The following SHISA6 variants were observed in gnomAD, a reference collection of about 807,000 sequenced individuals.
SHISA6 encodes protein shisa-6.
A neutral mutation model predicts 47.9 loss-of-function variants in SHISA6; 22 were observed. The observed-to-expected ratio is 0.46, with a 90% CI of 0.33 to 0.66. The LOEUF (loss-of-function observed/expected upper bound fraction) is 0.66. SHISA6 is among the 30% of genes least tolerant of loss of function. The pLI is 0.02. For synonymous variants in SHISA6, 388 were observed against 337.8 expected (o/e 1.15, Z -1.63); for missense variants, 680 against 764.6 (o/e 0.89, Z 1.30).
At position 11,558,452 on chromosome 17, in the gene SHISA6, A is replaced by G. The variant is rs868142334; in HGVS notation, c.*148A>G. ...GTGGGCCACCTTTGCCCAAAAAGCCATACCCCCGGGGACACAGCCCCGATG... is the reference window on the plus strand; with the variant it reads ...GTGGGCCACCTTTGCCCAAAAAGCCGTACCCCCGGGGACACAGCCCCGATG... On this transcript the variant is annotated 3_prime_UTR_variant, in exon 6 of 6. Coordinates refer to ENST00000441885, the MANE Select transcript of SHISA6 (RefSeq NM_207386.4). 11 of 898,144 alleles carry G rather than the reference A, an allele frequency of 1.2e-5. No homozygotes were observed. The Admixed American group carries it at 1.6e-4, about 13-fold the overall frequency. The allele number at this position is 898,144 out of a possible 1,614,324, so 55.6% of individuals were successfully genotyped here. A position where few individuals can be genotyped will look rare whatever the true frequency, so the allele number is the denominator to read the frequency against.
chr17:11,398,394 C>T (rs1913648664), intron 3 of SHISA6, among the ~76,000 whole-genome samples: 1 of 152,024 alleles, frequency 6.6e-6, no homozygotes, highest in South Asian at 2.1e-4. Flanking sequence ...GATGCCACTA[C>T]TCCCCACTTC....
chr17:11,555,687 C>A, intron 4 of SHISA6, 53 bp from the exon 5 acceptor site: 1 of 1,461,366 alleles, frequency 6.8e-7, no homozygotes, highest in Non-Finnish European at 9.1e-7. Flanking sequence ...GAAAGCACAC[C>A]TGCCACAGAC....
intron 3 of SHISA6, among the ~76,000 whole-genome samples, chr17:11,443,805 C>T (rs1034477217): frequency 1.3e-5 from 2 of 152,082 alleles, no homozygotes; most frequent in African/African-American, 2.4e-5. Context: ...ATTCCTAGTG[C>T]TTAGCAGTGT....
At chr17:11,290,286 C>T (rs1909477906) in intron 2 of SHISA6, 1 of 151,306 alleles carries the variant, frequency 6.6e-6, no homozygotes, top group Admixed American at 6.6e-5. Context: ...AGTATCTTCA[C>T]AATGTATAAT....
rs188888798 is a variant in SHISA6 at position 11,555,193 on chromosome 17, G to A, written c.953-547G>A. On this transcript the variant is annotated intron_variant, in intron 4 of 5. Transcript: ENST00000441885. ...CTTGTCAGGTGCAGAGCTTGGAGAG[G>A]AGAAAGGGGCTACATGAGCTGTGGA... 2.8e-4 allele frequency among the ~76,000 whole-genome samples: 43 copies of A among 152,208 alleles called. No individual in the cohort carries two copies. In the East Asian group the frequency reaches 7.0e-3, roughly 25 times the overall value.
intron 3 of SHISA6, among the ~76,000 whole-genome samples, chr17:11,459,296 C>T (rs1193379281): frequency 1.3e-5 from 2 of 152,042 alleles, no homozygotes; most frequent in Admixed American, 1.3e-4. Context: ...CCCTCCCCTA[C>T]CCTCCTACAC....
At chr17:11,273,959 G>A (rs79977214) in intron 2 of SHISA6, among the ~76,000 whole-genome samples, 2,701 of 152,332 alleles carry the variant, frequency 0.018, 32 homozygotes, top group Non-Finnish European at 0.026. Flanking sequence ...AAGCACCTGT[G>A]TTCTTCTCCT....
intron 2 of SHISA6, among the ~76,000 whole-genome samples, chr17:11,269,319 C>T (rs549914157): frequency 1.4e-4 from 22 of 152,304 alleles, no homozygotes; most frequent in Admixed American, 2.6e-4. Context: ...GGATTACAGG[C>T]GTGAACCACT....
chr17:11,497,068 G>A (rs959257835), intron 3 of SHISA6, among the ~76,000 whole-genome samples: 3 of 152,210 alleles, frequency 2.0e-5, no homozygotes, highest in African/African-American at 7.2e-5. Context: ...GTAGTGGGGG[G>A]ACCCCCAGAA....
chr17:11,282,560 G>A (rs954160882), intron 2 of SHISA6, among the ~76,000 whole-genome samples: 4 of 152,062 alleles, frequency 2.6e-5, no homozygotes, highest in African/African-American at 9.7e-5. Context: ...TCCCCCACCT[G>A]CCGACAGGCC....
chr17:11,272,031 G>A (rs1908689413), intron 2 of SHISA6, among the ~76,000 whole-genome samples: 1 of 151,984 alleles, frequency 6.6e-6, no homozygotes, highest in Non-Finnish European at 1.5e-5. Context: ...ATCTACACCT[G>A]CTGCCTCTCC....
intron 3 of SHISA6, among the ~76,000 whole-genome samples, chr17:11,435,288 T>C (rs1914905897): frequency 6.6e-6 from 1 of 152,222 alleles, no homozygotes; most frequent in South Asian, 2.1e-4. Flanking sequence ...GAATCACATT[T>C]ACTTGTAGGT....
chr17:11,250,573 C>A (rs1423501923), intron 1 of SHISA6, among the ~76,000 whole-genome samples: 1 of 152,198 alleles, frequency 6.6e-6, no homozygotes, highest in Non-Finnish European at 1.5e-5. Context: ...GCTGTGCTAC[C>A]TGGGTAGAAT....
intron 3 of SHISA6, among the ~76,000 whole-genome samples, chr17:11,424,877 C>T (rs756901866): frequency 6.6e-5 from 10 of 151,540 alleles, no homozygotes; most frequent in Non-Finnish European, 1.2e-4. Context: ...GGCGTGGTGG[C>T]GGGTGCCTGT....
intron 1 of SHISA6, among the ~76,000 whole-genome samples, chr17:11,250,310 A>G (rs1247739637): frequency 2.0e-5 from 3 of 152,160 alleles, no homozygotes; most frequent in African/African-American, 7.2e-5. Context: ...GTACTTCTGC[A>G]TTCAGACGGG....
At chr17:11,439,224 C>T (rs991381829) in intron 3 of SHISA6, among the ~76,000 whole-genome samples, 1 of 152,132 alleles carries the variant, frequency 6.6e-6, no homozygotes, top group African/African-American at 2.4e-5. Flanking sequence ...GAAAAAAGCA[C>T]ATGTAACCTC....
Position 11,545,413 on chromosome 17 carries a change from C to T in SHISA6, c.896-6483C>T, listed in dbSNP as rs141260309. ...GGTGGGTGCAGGAAGGAAGTGGGTG[C>T]GGCTATAAAAGGGCAACAAGAGGAA... On this transcript the variant is annotated intron_variant, in intron 3 of 5. Transcript: ENST00000441885. Among the ~76,000 whole-genome samples the T allele has an allele frequency of 3.1e-3, 466 of 152,166 alleles. 5 individuals carry two copies. Among genetic ancestry groups the T allele is most frequent in the African/African-American group, 0.01 (427 of 41,536 alleles).
intron 3 of SHISA6, among the ~76,000 whole-genome samples, chr17:11,384,497 A>G (rs956639588): frequency 6.6e-6 from 1 of 152,214 alleles, no homozygotes. Flanking sequence ...GACTTTGGCA[A>G]TTTGGTTAAA....
chr17:11,285,012 A>C (rs1366309617), intron 2 of SHISA6, among the ~76,000 whole-genome samples: 1 of 152,220 alleles, frequency 6.6e-6, no homozygotes, highest in African/African-American at 2.4e-5. Context: ...TCAGGATGCT[A>C]AACACGGGCC....
Sources: gnomAD v4.1 joint callset for allele counts (sites outside exome capture counted in the v4.1 genomes callset) on GRCh38, gnomAD v4.1.1 for gene constraint, MANE v1.5 for transcripts, NCBI Gene and HGNC (gene_info 2026-07-23, HGNC 2026-07-21) for gene names.